Variants in FBXO21 observed in about 807,000 individuals in gnomAD.
FBXO21 encodes F-box only protein 21.
In FBXO21, 32 loss-of-function variants were observed where a neutral mutation model predicts 76.6. The ratio of observed to expected loss-of-function variants is 0.42; its 90% CI spans 0.32 to 0.56. The LOEUF is 0.56. FBXO21 is among the 20% of genes least tolerant of loss of function. The probability of loss-of-function intolerance (pLI) is 0.16; values close to 1 mark genes in which losing one functional copy is unlikely to be tolerated. For missense variants in FBXO21, 586 were observed against 797.3 expected, an observed-to-expected ratio of 0.73 and a Z score of 3.19; for synonymous variants, 328 against 311.5, an observed-to-expected ratio of 1.05 and a Z score of -0.56.
chr12:117,150,956 TTGTGTGTG>T (rs3999685), intron 11 of FBXO21, among the ~76,000 whole-genome samples: 18,927 of 94,060 alleles, frequency 0.2, 1,447 homozygotes, highest in Middle Eastern at 0.33. Context: ...TCAAATAAGT[TTGTGTGTG>T]TGTGTGTGTG....
intron 6 of FBXO21, among the ~76,000 whole-genome samples, chr12:117,173,605 T>A (rs1391367802): frequency 6.6e-6 from 1 of 152,248 alleles, no homozygotes; most frequent in East Asian, 1.9e-4. Flanking sequence ...AAGAGGACCC[T>A]GATTAGTTTT....
rs10655877 is a variant in FBXO21 at position 117,159,310 on chromosome 12, G to GAAA, written c.1327-1250_1327-1248dup. Among the ~76,000 whole-genome samples the GAAA allele has an allele frequency of 1.4e-3, 194 of 143,096 alleles. 2 individuals carry two copies. The highest frequency in any genetic ancestry group is 3.6e-3 in the Middle Eastern group (1 of 274). 93.9% of individuals were successfully genotyped at this position (143,096 alleles called of 152,430 possible). A position where few individuals can be genotyped will look rare whatever the true frequency, so the allele number is the denominator to read the frequency against. ...ATCTTCAAATTGGGAGGATTAGGTG[G>GAAA]AAAAAAAAAAAAAGCTTTTAATCAC... is the stretch of plus-strand genomic sequence containing the variant. On this transcript the variant is annotated intron_variant, in intron 9 of 11. Transcript: ENST00000622495.
chr12:117,165,046 C>T lies in FBXO21; in HGVS notation c.1326+439G>A, dbSNP rs1956036130. Among the ~76,000 whole-genome samples, 5 of 152,356 alleles carry T rather than the reference C, an allele frequency of 3.3e-5. No individual in the cohort carries two copies. The South Asian group carries it at 1.0e-3, about 32-fold the overall frequency. ...TCAATGGTTTTCAGAAAGTCCTTCT[C>T]TAGTCCAGTGGCTGGACTTGAACAT... On this transcript the variant is annotated intron_variant, in intron 9 of 11. Coordinates refer to ENST00000622495, the MANE Select transcript of FBXO21 (RefSeq NM_015002.3).
At position 117,143,767 on chromosome 12, in the gene FBXO21, C is replaced by G. The variant is rs1217503465; in HGVS notation, c.*2320G>C. ...CTTTCTGTCCTCAAACGAAATTGGG[C>G]AGGCCATTTGCGTGGTTTCTCTGGA... On this transcript the variant is annotated 3_prime_UTR_variant, in exon 12 of 12. Transcript: ENST00000622495. The G allele has an allele frequency of 6.6e-6, 1 of 152,606 alleles. No homozygotes were observed. Among genetic ancestry groups the G allele is most frequent in the East Asian group, 1.9e-4 (1 of 5,198 alleles). 9.5% of individuals were successfully genotyped at this position (152,606 alleles called of 1,614,324 possible).
At chr12:117,174,501 G>C in intron 5 of FBXO21, 150 bp downstream of exon 5, 3 of 1,172,550 alleles carry the variant, frequency 2.6e-6, no homozygotes, top group Non-Finnish European at 3.7e-6. Flanking sequence ...AAGTGTTTTA[G>C]GTTCAACACT....
chr12:117,164,651 G>A (rs568383857), intron 9 of FBXO21, among the ~76,000 whole-genome samples: 8 of 152,250 alleles, frequency 5.3e-5, no homozygotes, highest in South Asian at 4.1e-4. Context: ...TTAGATCTCC[G>A]AAGTTGTGAA....
In FBXO21 at chr12:117,144,555, C is replaced by T. The variant is rs763302152; in HGVS notation, c.*1532G>A. On this transcript the variant is annotated 3_prime_UTR_variant, in exon 12 of 12. Coordinates refer to ENST00000622495, the MANE Select transcript of FBXO21 (RefSeq NM_015002.3). ...TTCCAAAGGGTAAACAAGCAGCAGG[C>T]ATTCAACATGGGTGAGAATACTGCA... The T allele has an allele frequency of 6.6e-6, 1 of 152,208 alleles. No homozygotes were observed. The highest frequency in any genetic ancestry group is 2.1e-4 in the South Asian group (1 of 4,828). The allele number at this position is 152,208 out of a possible 1,614,324, so 9.4% of individuals were successfully genotyped here.
At chr12:117,155,325 A>C (rs1017688280) in intron 11 of FBXO21, 11 of 159,824 alleles carry the variant, frequency 6.9e-5, no homozygotes, top group Non-Finnish European at 1.2e-4. Flanking sequence ...GCGGGCTCTC[A>C]GGTGCTCCCA....
chr12:117,188,600 A>G (rs1335579237), intron 2 of FBXO21, among the ~76,000 whole-genome samples: 1 of 150,684 alleles, frequency 6.6e-6, no homozygotes, highest in Non-Finnish European at 1.5e-5. Context: ...AGAAAAAAAG[A>G]AAACAAAACA....
intron 2 of FBXO21, among the ~76,000 whole-genome samples, chr12:117,187,050 A>T (rs1270984174): frequency 5.9e-5 from 9 of 151,970 alleles, no homozygotes; most frequent in Non-Finnish European, 4.4e-5. Flanking sequence ...CGGGAGGCGG[A>T]GGTTACAGTG....
chr12:117,189,132 G>T, intron 2 of FBXO21, 95 bp downstream of exon 2: 1 of 1,391,308 alleles, frequency 7.2e-7, no homozygotes, highest in Non-Finnish European at 1.0e-6. Flanking sequence ...GCATTGAAAA[G>T]GGAGATACGA....
chr12:117,162,444 C>T (rs1955991487), intron 9 of FBXO21, among the ~76,000 whole-genome samples: 2 of 152,206 alleles, frequency 1.3e-5, no homozygotes, highest in East Asian at 3.9e-4. Context: ...GCCTCAGTTT[C>T]ATTATTTCCC....
rs573778214 is a variant in FBXO21, at chr12:117,167,523, G to GAT, written c.1014-448_1014-447dup. On this transcript the variant is annotated intron_variant, in intron 7 of 11. Transcript: ENST00000622495. The stretch of plus-strand genomic sequence containing the variant: ...GCACTTTGGGAGGCCGAGGCGGGTG[G>GAT]ATCACAAGGTGAGCAGATTGTGACT... Among the ~76,000 whole-genome samples the GAT allele has an allele frequency of 5.3e-5, 8 of 152,154 alleles. No individual in the cohort carries two copies. In the South Asian group the frequency reaches 1.7e-3, roughly 32 times the overall value.
chr12:117,165,127 T>C (rs575539919), intron 9 of FBXO21, among the ~76,000 whole-genome samples: 35 of 152,348 alleles, frequency 2.3e-4, no homozygotes, highest in African/African-American at 8.4e-4. Context: ...GCCAATGTAG[T>C]TGCTAACAGT....
chr12:117,151,193 C>T (rs541606307), intron 11 of FBXO21, among the ~76,000 whole-genome samples: 1 of 152,254 alleles, frequency 6.6e-6, no homozygotes, highest in South Asian at 2.1e-4. Flanking sequence ...AATACGGCGG[C>T]TGACCTAGAC....
intron 9 of FBXO21, among the ~76,000 whole-genome samples, chr12:117,163,387 A>T (rs907691523): frequency 4.0e-5 from 6 of 151,454 alleles, no homozygotes; most frequent in African/African-American, 1.5e-4. Flanking sequence ...ATAAAAATTA[A>T]CCAGACGTGG....
chr12:117,177,487 T>G (rs773277836), intron 4 of FBXO21, 33 bp downstream of exon 4: 16 of 1,588,426 alleles, frequency 1.0e-5, no homozygotes, highest in Non-Finnish European at 1.4e-5. Flanking sequence ...CCTACAGAAA[T>G]ACTACTGTCC....
At chr12:117,153,617 C>T (rs545974990) in intron 11 of FBXO21, among the ~76,000 whole-genome samples, 1 of 152,290 alleles carries the variant, frequency 6.6e-6, no homozygotes, top group African/African-American at 2.4e-5. Context: ...GAGGGAGGAC[C>T]CTGAAGACAG....
At chr12:117,147,715 C>T (rs1955792289) in intron 11 of FBXO21, among the ~76,000 whole-genome samples, 1 of 152,092 alleles carries the variant, frequency 6.6e-6, no homozygotes. Context: ...AAGGACGGTG[C>T]TTTGTGCGCC....
Sources: allele counts gnomAD v4.1 joint callset (sites outside exome capture counted in the v4.1 genomes callset), GRCh38; gene constraint gnomAD v4.1.1; transcripts MANE v1.5; gene names NCBI Gene and HGNC (gene_info 2026-07-23, HGNC 2026-07-21).